The following NPAS3 variants were observed in gnomAD, a reference collection of about 807,000 sequenced individuals.
NPAS3 encodes the protein neuronal PAS domain protein 3.
A neutral mutation model predicts 73.1 loss-of-function variants in NPAS3; 14 were observed. The observed-to-expected ratio is 0.19, with a 90% CI of 0.13 to 0.30. The LOEUF (loss-of-function observed/expected upper bound fraction) is 0.30, where lower values mean the gene tolerates loss of function less well. Among genes scored for constraint, NPAS3 ranks in the 10% least tolerant of loss-of-function variants. NPAS3 has a pLI of 1.00. For synonymous variants in NPAS3, 620 were observed against 541.5 expected (o/e 1.14, Z -2.01); for missense variants, 1,096 against 1,250.0 (o/e 0.88, Z 1.86).
At chr14:33,661,777 G>T (rs2059315861) in intron 5 of NPAS3, among the ~76,000 whole-genome samples, 2 of 152,176 alleles carry the variant, frequency 1.3e-5, no homozygotes, top group South Asian at 4.1e-4. Context: ...ATTTCAAACA[G>T]ATTTTAAACC....
intron 7 of NPAS3, among the ~76,000 whole-genome samples, chr14:33,759,925 A>G (rs988092010): frequency 6.6e-6 from 1 of 152,256 alleles, no homozygotes; most frequent in South Asian, 2.1e-4. Context: ...TTAAGCATAT[A>G]TAAGATTTCT....
rs2038082365 is a variant in NPAS3, at chr14:32,986,026, C to T, written c.50+46660C>T. On this transcript the variant is annotated intron_variant, in intron 1 of 11. Transcript: ENST00000356141. ...TTGTCACTACAGCCCTGAGAGTCCACATGGGCGCCGCTGTGAGGATTCTGA... is the reference window on the plus strand; with the variant it reads ...TTGTCACTACAGCCCTGAGAGTCCATATGGGCGCCGCTGTGAGGATTCTGA... Among the ~76,000 whole-genome samples, 3 of 152,186 alleles carry T rather than the reference C, an allele frequency of 2.0e-5. No individual in the cohort carries two copies. In the South Asian group the frequency reaches 6.2e-4, roughly 32 times the overall value.
At chr14:33,383,612 G>A (rs1370648057) in intron 4 of NPAS3, among the ~76,000 whole-genome samples, 1 of 152,134 alleles carries the variant, frequency 6.6e-6, no homozygotes, top group Non-Finnish European at 1.5e-5. Context: ...TCCTAATTAT[G>A]AATACCTTTA....
At chr14:33,513,812 G>C (rs543058641) in intron 4 of NPAS3, among the ~76,000 whole-genome samples, 1 of 152,132 alleles carries the variant, frequency 6.6e-6, no homozygotes, top group South Asian at 2.1e-4. Flanking sequence ...CTCTGGATTT[G>C]TGGGGACTTG....
chr14:33,800,877 A>G lies in NPAS3; in HGVS notation c.2570A>G (p.Asn857Ser). Reference sequence around the variant, plus strand: ...CACGCTGTTAACTTCGTGGACGTTAACAGCCCCGGCTTTGGCCTCGACCCC... The same window carrying G: ...CACGCTGTTAACTTCGTGGACGTTAGCAGCCCCGGCTTTGGCCTCGACCCC... The change falls in exon 12 of 12, where the codon AAC (asparagine) becomes AGC (serine). Residue 857 changes from asparagine (N) to serine (S), a missense_variant. Asn to Ser is a conservative substitution (Grantham distance 46). This residue lies in a region of NPAS3 where 698 missense variants were observed against 676.7 expected (regional missense o/e 1.03). Transcript: ENST00000356141. This position sits in a 1 kb window ranked among gnomAD's most constrained non-coding sequence, Gnocchi z 6.5. 6.2e-7 allele frequency: 1 copy of G among 1,606,376 alleles called. No homozygotes were observed. The highest frequency in any genetic ancestry group is 8.5e-7 in the Non-Finnish European group (1 of 1,176,952).
intron 2 of NPAS3, among the ~76,000 whole-genome samples, chr14:33,160,875 A>G (rs1196173766): frequency 6.6e-6 from 1 of 152,210 alleles, no homozygotes; most frequent in Admixed American, 6.5e-5. Context: ...TTCCAAATGA[A>G]AAACTCTGAG....
At chr14:33,021,980 C>A (rs2039614127) in intron 1 of NPAS3, among the ~76,000 whole-genome samples, 1 of 152,128 alleles carries the variant, frequency 6.6e-6, no homozygotes, top group Non-Finnish European at 1.5e-5. Flanking sequence ...TGGAGACTTG[C>A]AGAGGTTAGG....
At chr14:33,033,418 G>A (rs1356320004) in intron 1 of NPAS3, among the ~76,000 whole-genome samples, 1 of 152,114 alleles carries the variant, frequency 6.6e-6, no homozygotes, top group African/African-American at 2.4e-5. Flanking sequence ...GGTGGATGTT[G>A]CAGTGAGCCG....
At position 33,543,946 on chromosome 14, in the gene NPAS3, CATATATATATAT is replaced by C. The variant is rs35154724; in HGVS notation, c.469-16130_469-16119del. 8.2e-3 allele frequency among the ~76,000 whole-genome samples: 853 copies of C among 104,348 alleles called. 3 individuals are homozygous for C. Among genetic ancestry groups the C allele is most frequent in the Middle Eastern group, 0.01 (2 of 194 alleles). 68.5% of individuals were successfully genotyped at this position (104,348 alleles called of 152,430 possible). A position where few individuals can be genotyped will look rare whatever the true frequency, so the allele number is the denominator to read the frequency against. ...CATCTCAGACAGGTATGGCAAAGTG[CATATATATATAT>C]ATATATATATATATATATATATATA... On this transcript the variant is annotated intron_variant, in intron 4 of 11. Transcript: ENST00000356141.
intron 3 of NPAS3, among the ~76,000 whole-genome samples, chr14:33,360,089 T>C (rs1055547378): frequency 1.3e-5 from 2 of 152,222 alleles, no homozygotes; most frequent in Non-Finnish European, 2.9e-5. Context: ...CACACAGGCC[T>C]GCCTCGCCCA....
At position 33,095,657 on chromosome 14, in the gene NPAS3, C is replaced by CTTTTTTTTTTTTTTTTTTTTTTTTTTT. The variant is rs201283993; in HGVS notation, c.140+39667_140+39668insTTTTTTTTTTTTTTTTTTTTTTTTTTT. On this transcript the variant is annotated intron_variant, in intron 2 of 11. Transcript: ENST00000356141. ...TACACAAAGGCGTGGGCATTCTCTGCTTTTATTTTTTTATTTTTTTTTTTT... is the reference window on the plus strand; with the variant it reads ...TACACAAAGGCGTGGGCATTCTCTGCTTTTTTTTTTTTTTTTTTTTTTTTTTTTTTTATTTTTTTATTTTTTTTTTTT... 6.1e-5 allele frequency among the ~76,000 whole-genome samples: 6 copies of CTTTTTTTTTTTTTTTTTTTTTTTTTTT among 97,652 alleles called. 2 individuals carry two copies. The highest frequency in any genetic ancestry group is 1.3e-4 in the African/African-American group (3 of 22,266). The allele number at this position is 97,652 out of a possible 152,430, so 64.1% of individuals were successfully genotyped here. A position where few individuals can be genotyped will look rare whatever the true frequency, so the allele number is the denominator to read the frequency against.
chr14:33,714,767 G>C (rs1466426550), intron 6 of NPAS3, among the ~76,000 whole-genome samples: 1 of 151,938 alleles, frequency 6.6e-6, no homozygotes, highest in Non-Finnish European at 1.5e-5. Context: ...TACAATCACT[G>C]TCATCCAATG....
At chr14:33,227,247 A>C (rs1481722056) in intron 3 of NPAS3, among the ~76,000 whole-genome samples, 1 of 152,172 alleles carries the variant, frequency 6.6e-6, no homozygotes, top group African/African-American at 2.4e-5. Context: ...AAAATCTGTA[A>C]CAAGTTGTTC....
chr14:33,124,673 T>C (rs2043360640), intron 2 of NPAS3, among the ~76,000 whole-genome samples: 2 of 152,138 alleles, frequency 1.3e-5, no homozygotes, highest in South Asian at 4.1e-4. Context: ...AAGACTAATG[T>C]TGGGAGAAAA....
At chr14:33,300,796 C>T (rs2042498739) in intron 3 of NPAS3, among the ~76,000 whole-genome samples, 1 of 152,112 alleles carries the variant, frequency 6.6e-6, no homozygotes, top group Non-Finnish European at 1.5e-5. Context: ...GGCTACTAGA[C>T]ATCTGTTAGG....
intron 2 of NPAS3, among the ~76,000 whole-genome samples, chr14:33,115,771 G>T (rs1282128597): frequency 6.6e-6 from 1 of 152,144 alleles, no homozygotes; most frequent in Non-Finnish European, 1.5e-5. Context: ...TGGTTTCCAT[G>T]TACAGTGGTT....
chr14:33,222,231 A>AT (rs1183533973), intron 3 of NPAS3, among the ~76,000 whole-genome samples: 2 of 152,106 alleles, frequency 1.3e-5, no homozygotes, highest in Admixed American at 1.3e-4. Flanking sequence ...GTCTTCCTAG[A>AT]TTTTATGGCT....
intron 7 of NPAS3, among the ~76,000 whole-genome samples, chr14:33,743,338 C>T (rs2061701807): frequency 6.6e-6 from 1 of 152,104 alleles, no homozygotes; most frequent in Non-Finnish European, 1.5e-5. Flanking sequence ...CTGTATGTTG[C>T]CATTAGAGTT....
chr14:33,636,903 GCACACA>G lies in NPAS3; in HGVS notation c.559-39289_559-39284del, dbSNP rs34527893. Among the ~76,000 whole-genome samples the G allele has an allele frequency of 8.7e-4, 130 of 149,276 alleles. 1 individual carries two copies. Among genetic ancestry groups the G allele is most frequent in the African/African-American group, 3.1e-3 (126 of 40,750 alleles). ...AGCAGGAGGAGGACACTCGGAGTGTGCACACACACACACACACACACACAGAGTAAT... is the reference window on the plus strand; with the variant it reads ...AGCAGGAGGAGGACACTCGGAGTGTGCACACACACACACACACAGAGTAAT... On this transcript the variant is annotated intron_variant, in intron 5 of 11. Coordinates refer to ENST00000356141, the Ensembl canonical transcript of NPAS3.
Sources: gnomAD v4.1 joint callset for allele counts (sites outside exome capture counted in the v4.1 genomes callset) on GRCh38, gnomAD v4.1.1 for gene constraint, gnomAD v4.1.1 regional missense constraint, Gnocchi (gnomAD v3.1) non-coding constraint, MANE v1.5 for transcripts, NCBI Gene and HGNC (gene_info 2026-07-23, HGNC 2026-07-21) for gene names.